The following LY96 variants were observed in gnomAD, a reference collection of about 807,000 sequenced individuals.
LY96 encodes lymphocyte antigen 96.
In LY96, 18 loss-of-function variants were observed where a neutral mutation model predicts 18.9. The observed-to-expected ratio is 0.95, with a 90% CI of 0.66 to 1.41. The LOEUF (loss-of-function observed/expected upper bound fraction) is 1.41, where lower values mean the gene tolerates loss of function less well. LY96 is among the 40% of genes most tolerant of loss of function. LY96 has a pLI of 0.00. For synonymous variants in LY96, 66 were observed against 62.6 expected (o/e 1.06, Z -0.26); for missense variants, 175 against 182.4 (o/e 0.96, Z 0.23).
chr8:74,043,848 A>G, the LY96 span, among the ~76,000 whole-genome samples: 1 of 152,202 alleles, frequency 6.6e-6, no homozygotes, highest in African/African-American at 2.4e-5. Context: ...TTTTATTTTT[A>G]TCTTTGAGAC....
Position 73,991,554 on chromosome 8 carries a change from G to T in LY96, c.112G>T (p.Asp38Tyr), listed in dbSNP as rs1392708929. 8.9e-6 allele frequency: 14 copies of T among 1,570,994 alleles called. No individual in the cohort carries two copies. Among genetic ancestry groups the T allele is most frequent in the Non-Finnish European group, 1.1e-5 (13 of 1,141,120 alleles). Residue 38 changes from aspartate (D) to tyrosine (Y), a missense_variant and splice_region_variant, in exon 1 of 5, where the codon GAT (aspartate) becomes TAT (tyrosine). Coordinates refer to ENST00000284818, the MANE Select transcript of LY96 (RefSeq NM_015364.5). Reference sequence around the variant, plus strand: ...TGCAAGTATTTCATACACCTACTGTGGTAAGTAAAACCGCAAAACAAATAA... The same window carrying T: ...TGCAAGTATTTCATACACCTACTGTTGTAAGTAAAACCGCAAAACAAATAA... The part of the protein sequence containing the change: ...SDASISYTYC[D>Y]KMQYPISINV...
At position 74,010,088 on chromosome 8, in the gene LY96, G is replaced by A. The variant is rs1410346581; in HGVS notation, c.290G>A (p.Gly97Glu). 1 of 1,613,280 alleles carries A rather than the reference G, an allele frequency of 6.2e-7. No homozygotes were observed. Among genetic ancestry groups the A allele is most frequent in the South Asian group, 1.1e-5 (1 of 91,058 alleles). The change falls in exon 3 of 5, where the codon GGA (glycine) becomes GAA (glutamate). Residue 97 changes from glycine (G) to glutamate (E), a missense_variant. Physicochemically the swap from Gly to Glu is moderately conservative, Grantham distance 98 (BLOSUM62 -2). Transcript: ENST00000284818. Reference protein sequence around the residue: ...LPKRKEVICRGSDDDYSFCRA... With the variant: ...LPKRKEVICRESDDDYSFCRA... ...AAGCGCAAAGAAGTTATTTGCCGAG[G>A]ATCTGATGACGATTACTCTTTTTGC...
chr8:74,025,297 A>G (rs1050428705), intron 3 of LY96, among the ~76,000 whole-genome samples: 6 of 152,216 alleles, frequency 3.9e-5, no homozygotes, highest in African/African-American at 1.4e-4. Flanking sequence ...AAAGATCATA[A>G]GATTATGAAG....
At chr8:74,086,001 A>G in the LY96 span, among the ~76,000 whole-genome samples, 1 of 152,150 alleles carries the variant, frequency 6.6e-6, no homozygotes, top group Non-Finnish European at 1.5e-5. Flanking sequence ...TATTCATCTT[A>G]TAACTGAAAG....
At chr8:74,070,998 C>T in the LY96 span, among the ~76,000 whole-genome samples, 4,115 of 152,198 alleles carry the variant, frequency 0.027, 52 homozygotes, top group Non-Finnish European at 0.033. Context: ...TTAATTCTCA[C>T]ACTAATGAAA....
At position 73,991,486 on chromosome 8, in the gene LY96, T is replaced by C; in HGVS notation, c.44T>C (p.Phe15Ser). 6.2e-7 allele frequency: 1 copy of C among 1,613,422 alleles called. No individual in the cohort carries two copies. The highest frequency in any genetic ancestry group is 8.5e-7 in the Non-Finnish European group (1 of 1,179,378). ...TTTTCCACCCTGTTTTCTTCCATAT[T>C]TACTGAAGCTCAGAAGCAGTATTGG... ...LFFSTLFSSIFTEAQKQYWVC... is the reference protein window; with the variant it reads ...LFFSTLFSSISTEAQKQYWVC... Residue 15 changes from phenylalanine (F) to serine (S), a missense_variant, in exon 1 of 5, where the codon TTT (phenylalanine) becomes TCT (serine). Physicochemically the swap from Phe to Ser is radical, Grantham distance 155. Coordinates refer to ENST00000284818, the MANE Select transcript of LY96 (RefSeq NM_015364.5).
At chr8:74,063,481 A>G in the LY96 span, among the ~76,000 whole-genome samples, 4 of 152,138 alleles carry the variant, frequency 2.6e-5, no homozygotes, top group African/African-American at 9.7e-5. Context: ...TATTTTTTAT[A>G]TATTCTGGAC....
chr8:74,086,646 G>T, the LY96 span, among the ~76,000 whole-genome samples: 1 of 152,220 alleles, frequency 6.6e-6, no homozygotes, highest in African/African-American at 2.4e-5. Flanking sequence ...GTTTGCTTGA[G>T]CTTGGTCTGA....
chr8:73,999,624 A>G (rs1009498438), intron 1 of LY96, among the ~76,000 whole-genome samples: 15 of 152,092 alleles, frequency 9.9e-5, no homozygotes, highest in East Asian at 5.8e-4. Flanking sequence ...ATATCCTGCA[A>G]TTTTGCAGAA....
At chr8:74,084,345 T>C in the LY96 span, among the ~76,000 whole-genome samples, 2 of 152,210 alleles carry the variant, frequency 1.3e-5, no homozygotes, top group Non-Finnish European at 2.9e-5. Flanking sequence ...TCAGTGGTAA[T>C]ACTCCAGTTC....
chr8:74,099,185 T>C, the LY96 span, among the ~76,000 whole-genome samples: 1 of 152,210 alleles, frequency 6.6e-6, no homozygotes, highest in African/African-American at 2.4e-5. Context: ...AGTAAAATTC[T>C]AAGCCCCTCA....
chr8:74,053,679 C>T, the LY96 span, among the ~76,000 whole-genome samples: 1 of 152,234 alleles, frequency 6.6e-6, no homozygotes, highest in Admixed American at 6.5e-5. Flanking sequence ...GTAAGTAACA[C>T]AAACTCCAAC....
chr8:73,993,594 C>G (rs1278546667), intron 1 of LY96, among the ~76,000 whole-genome samples: 1 of 152,068 alleles, frequency 6.6e-6, no homozygotes, highest in Admixed American at 6.6e-5. Context: ...AGGTGCCCAC[C>G]ACCACACCCA....
intron 1 of LY96, among the ~76,000 whole-genome samples, chr8:73,995,359 C>A (rs1816104017): frequency 6.6e-6 from 1 of 152,230 alleles, no homozygotes; most frequent in African/African-American, 2.4e-5. Context: ...CCTCACATGG[C>A]CTTTCCTCTG....
the LY96 span, among the ~76,000 whole-genome samples, chr8:74,034,715 T>A: frequency 6.6e-6 from 1 of 152,332 alleles, no homozygotes; most frequent in Non-Finnish European, 1.5e-5. Context: ...GGCATCACAC[T>A]GGGTCCAATT....
intron 3 of LY96, among the ~76,000 whole-genome samples, chr8:74,021,056 C>T (rs1048101346): frequency 2.6e-5 from 4 of 152,108 alleles, no homozygotes; most frequent in African/African-American, 9.7e-5. Context: ...CAACAAAAGC[C>T]AAGATAGACA....
chr8:73,999,263 C>T (rs1387559021), intron 1 of LY96, among the ~76,000 whole-genome samples: 7 of 152,000 alleles, frequency 4.6e-5, no homozygotes, highest in Non-Finnish European at 1.0e-4. Context: ...AGCCACCACA[C>T]CTGGCAATTT....
At chr8:74,004,471 G>C (rs1816367366) in intron 1 of LY96, among the ~76,000 whole-genome samples, 1 of 152,206 alleles carries the variant, frequency 6.6e-6, no homozygotes, top group Non-Finnish European at 1.5e-5. Context: ...TCTCTGATTA[G>C]ACAGTGTCCC....
the LY96 span, among the ~76,000 whole-genome samples, chr8:74,068,079 A>ATATATATATATATAT: frequency 1.0e-5 from 1 of 97,232 alleles, no homozygotes; most frequent in Non-Finnish European, 2.0e-5. Flanking sequence ...AAAAAAAAAA[A>ATATATATATATATAT]AAAAAAAAAA....
Sources: allele counts gnomAD v4.1 joint callset (sites outside exome capture counted in the v4.1 genomes callset), GRCh38; gene constraint gnomAD v4.1.1; transcripts MANE v1.5; gene names NCBI Gene and HGNC (gene_info 2026-07-23, HGNC 2026-07-21).